RBFOX1: variants seen among roughly 807,000 people sequenced by gnomAD.
The protein encoded by RBFOX1 is RNA binding fox-1 homolog 1, also known as RNA binding protein fox-1 homolog 1.
A neutral mutation model predicts 57.7 loss-of-function variants in RBFOX1; 8 were observed. The ratio of observed to expected loss-of-function variants is 0.14; its 90% CI spans 0.08 to 0.25. RBFOX1 has a LOEUF of 0.25. RBFOX1 is among the 10% of genes least tolerant of loss of function. RBFOX1 has a pLI of 1.00. For synonymous variants in RBFOX1, 326 were observed against 222.4 expected, an observed-to-expected ratio of 1.47 and a Z score of -4.15; for missense variants, 611 against 548.5, an observed-to-expected ratio of 1.11 and a Z score of -1.14.
intron 1 of RBFOX1, among the ~76,000 whole-genome samples, chr16:6,298,488 A>C (rs141867678): frequency 5.2e-4 from 79 of 152,338 alleles, no homozygotes; most frequent in African/African-American, 1.7e-3. Flanking sequence ...ATAAGTTTTC[A>C]CAATAATCAG....
chr16:7,068,515 C>T (rs1567141975), intron 4 of RBFOX1, among the ~76,000 whole-genome samples: 2 of 152,136 alleles, frequency 1.3e-5, no homozygotes, highest in South Asian at 4.1e-4. Flanking sequence ...CATTTAAGTC[C>T]AGCTGTTACA....
chr16:5,448,199 G>A (rs2068311120), intron 1 of RBFOX1, among the ~76,000 whole-genome samples: 1 of 152,162 alleles, frequency 6.6e-6, no homozygotes, highest in African/African-American at 2.4e-5. Context: ...ATCTTCAACT[G>A]TGAGGGATGG....
intron 2 of RBFOX1, among the ~76,000 whole-genome samples, chr16:6,609,779 G>T (rs1477368749): frequency 6.6e-6 from 1 of 152,020 alleles, no homozygotes; most frequent in African/African-American, 2.4e-5. Context: ...GGAGGCCGAG[G>T]CAGGCAAATT....
At chr16:5,609,412 C>A (rs1005833047) in intron 3 of RBFOX1, among the ~76,000 whole-genome samples, 4 of 152,204 alleles carry the variant, frequency 2.6e-5, no homozygotes, top group African/African-American at 9.6e-5. Flanking sequence ...TGTCACCTTC[C>A]ACTCTAGGGA....
At chr16:7,463,345 A>T (rs1458432399) in intron 4 of RBFOX1, among the ~76,000 whole-genome samples, 1 of 152,136 alleles carries the variant, frequency 6.6e-6, no homozygotes, top group Non-Finnish European at 1.5e-5. Flanking sequence ...TTCTACTAAA[A>T]ATACAAAAAT....
chr16:7,058,872 C>A (rs1218046532), intron 4 of RBFOX1, among the ~76,000 whole-genome samples: 1 of 152,056 alleles, frequency 6.6e-6, no homozygotes, highest in African/African-American at 2.4e-5. Context: ...TAAATATTAA[C>A]TTCATAATGT....
chr16:6,896,802 A>G (rs1429085348), intron 3 of RBFOX1, among the ~76,000 whole-genome samples: 1 of 152,210 alleles, frequency 6.6e-6, no homozygotes, highest in Non-Finnish European at 1.5e-5. Context: ...GGAGCATTTG[A>G]GATCATAGAT....
intron 7 of RBFOX1, 65 bp downstream of exon 7, chr16:7,587,365 G>C: frequency 7.1e-7 from 1 of 1,416,996 alleles, no homozygotes; most frequent in Non-Finnish European, 9.3e-7. Flanking sequence ...TGAATAAGGG[G>C]AAACAACTGC....
intron 2 of RBFOX1, among the ~76,000 whole-genome samples, chr16:6,569,230 C>A (rs371943887): frequency 1.3e-5 from 2 of 152,152 alleles, no homozygotes; most frequent in Non-Finnish European, 2.9e-5. Context: ...TTATCTAATA[C>A]TGTGTAAGAA....
At chr16:6,257,806 T>C (rs2097677646) in intron 1 of RBFOX1, among the ~76,000 whole-genome samples, 1 of 152,216 alleles carries the variant, frequency 6.6e-6, no homozygotes, top group Admixed American at 6.5e-5. Context: ...CGCTACATTT[T>C]CTTAATCCAC....
chr16:5,555,413 G>C (rs2045630841), intron 2 of RBFOX1, among the ~76,000 whole-genome samples: 1 of 151,852 alleles, frequency 6.6e-6, no homozygotes, highest in South Asian at 2.1e-4. Context: ...ACCAGGCCTG[G>C]CAAATTTTTG....
At chr16:7,495,230 T>C (rs144624035) in intron 4 of RBFOX1, among the ~76,000 whole-genome samples, 1 of 152,346 alleles carries the variant, frequency 6.6e-6, no homozygotes, top group Non-Finnish European at 1.5e-5. Context: ...GATACACACC[T>C]AGGCTAATTC....
intron 2 of RBFOX1, among the ~76,000 whole-genome samples, chr16:6,554,028 G>A (rs1599666856): frequency 6.7e-6 from 1 of 150,116 alleles, no homozygotes. Context: ...AATGTGTTTT[G>A]AAAGTATGAA....
At chr16:6,987,382 G>A (rs546365006) in intron 3 of RBFOX1, among the ~76,000 whole-genome samples, 56 of 151,164 alleles carry the variant, frequency 3.7e-4, no homozygotes, top group Non-Finnish European at 1.6e-4. Context: ...TCACTACCAT[G>A]GTTTCTGATT....
At chr16:5,801,031 C>G (rs2055039312) in intron 3 of RBFOX1, among the ~76,000 whole-genome samples, 1 of 152,134 alleles carries the variant, frequency 6.6e-6, no homozygotes, top group African/African-American at 2.4e-5. Context: ...CAGGAGCCCT[C>G]TGATCACAGG....
In RBFOX1 at chr16:7,117,645, C is replaced by T. The variant is rs572396264; in HGVS notation, c.27+65547C>T. ...TTGGAAGAATCAGGTTAGGTTTTTACGCTGCATAGCACATTACCACCTGCA... is the reference window on the plus strand; with the variant it reads ...TTGGAAGAATCAGGTTAGGTTTTTATGCTGCATAGCACATTACCACCTGCA... On this transcript the variant is annotated intron_variant, in intron 4 of 15. Transcript: ENST00000550418. Among the ~76,000 whole-genome samples, 46 of 152,310 alleles carry T rather than the reference C, an allele frequency of 3.0e-4. 1 individual carries two copies. Among genetic ancestry groups the T allele is most frequent in the Admixed American group, 1.6e-3 (24 of 15,300 alleles).
At chr16:6,722,686 T>G (rs773193380) in intron 3 of RBFOX1, among the ~76,000 whole-genome samples, 31 of 152,194 alleles carry the variant, frequency 2.0e-4, no homozygotes, top group Non-Finnish European at 4.1e-4. Context: ...GTGTCTCTCT[T>G]GCAGTTGCAC....
At chr16:7,250,961 G>T (rs1489575817) in intron 4 of RBFOX1, among the ~76,000 whole-genome samples, 1 of 152,160 alleles carries the variant, frequency 6.6e-6, no homozygotes, top group Non-Finnish European at 1.5e-5. Context: ...ATTGTGGAAT[G>T]GCGAAGTCAG....
chr16:5,778,926 T>C (rs965956723), intron 3 of RBFOX1, among the ~76,000 whole-genome samples: 1 of 152,194 alleles, frequency 6.6e-6, no homozygotes. Flanking sequence ...GTGTCTGGCA[T>C]ATAAAGCACT....
Sources: allele counts gnomAD v4.1 joint callset (sites outside exome capture counted in the v4.1 genomes callset), GRCh38; gene constraint gnomAD v4.1.1; transcripts MANE v1.5; gene names NCBI Gene and HGNC (gene_info 2026-07-23, HGNC 2026-07-21).